SEMA3A: variants seen among roughly 807,000 people sequenced by gnomAD.
The protein encoded by SEMA3A is semaphorin-3A.
In SEMA3A, 29 loss-of-function variants were observed where a neutral mutation model predicts 97.9. That is an observed-to-expected ratio of 0.30 (90% CI 0.22 to 0.40). The LOEUF (loss-of-function observed/expected upper bound fraction) is 0.40, where lower values mean the gene tolerates loss of function less well. Among genes scored for constraint, SEMA3A ranks in the 10% least tolerant of loss-of-function variants. The pLI, the probability that SEMA3A is intolerant of heterozygous loss-of-function variation, is 1.00. For synonymous variants in SEMA3A, 321 were observed against 323.7 expected (o/e 0.99, Z 0.09); for missense variants, 763 against 951.3 (o/e 0.80, Z 2.60).
chr7:84,424,461 A>G (rs1179566080), intron 1 of SEMA3A, among the ~76,000 whole-genome samples: 2 of 119,490 alleles, frequency 1.7e-5, no homozygotes, highest in Non-Finnish European at 3.2e-5. Flanking sequence ...TAATAATACA[A>G]TTTAATATAC....
At chr7:84,407,659 G>GTAAT (rs1804135826) in intron 1 of SEMA3A, among the ~76,000 whole-genome samples, 1 of 152,008 alleles carries the variant, frequency 6.6e-6, no homozygotes, top group African/African-American at 2.4e-5. Context: ...CAAGGCTACA[G>GTAAT]TAACCAAAAC....
chr7:84,136,960 A>AGGAGGGAGGGAGGAAGGAAGGAAG (rs376783412), intron 1 of SEMA3A, among the ~76,000 whole-genome samples: 1 of 141,106 alleles, frequency 7.1e-6, no homozygotes, highest in Non-Finnish European at 1.5e-5. Flanking sequence ...GAGGGAGGGA[A>AGGAGGGAGGGAGGAAGGAAGGAAG]GAAGGAAGGA....
At chr7:84,389,748 A>C (rs184434560) in intron 1 of SEMA3A, among the ~76,000 whole-genome samples, 191 of 151,960 alleles carry the variant, frequency 1.3e-3, no homozygotes, top group African/African-American at 4.4e-3. Flanking sequence ...AATGTATTTC[A>C]CTTATATTCC....
chr7:84,403,905 A>G (rs1232166990), intron 1 of SEMA3A, among the ~76,000 whole-genome samples: 4 of 152,200 alleles, frequency 2.6e-5, no homozygotes, highest in Admixed American at 6.5e-5. Context: ...GGTCACCATC[A>G]TCAAAGACCA....
rs1554384465 is a variant in SEMA3A, at chr7:84,426,277, CAGATAGAT to C, written c.-245-54385_-245-54378del. ...AGAGAGATAGATATAGATATATAGA[CAGATAGAT>C]AGATAGATAGATAGATAGATAGATA... On this transcript the variant is annotated intron_variant, in intron 1 of 3. Transcript: ENST00000424555. 7.1e-3 allele frequency among the ~76,000 whole-genome samples: 939 copies of C among 133,106 alleles called. 12 individuals carry two copies. The highest frequency in any genetic ancestry group is 0.016 in the Middle Eastern group (4 of 248). 87.3% of individuals were successfully genotyped at this position (133,106 alleles called of 152,430 possible).
At chr7:84,357,929 G>A (rs949960220) in intron 2 of SEMA3A, among the ~76,000 whole-genome samples, 3 of 152,058 alleles carry the variant, frequency 2.0e-5, no homozygotes, top group African/African-American at 7.2e-5. Context: ...CTGCATAAAT[G>A]TCTTCTTTTG....
chr7:84,291,773 A>G (rs1800753679), intron 3 of SEMA3A, among the ~76,000 whole-genome samples: 1 of 152,146 alleles, frequency 6.6e-6, no homozygotes, highest in Non-Finnish European at 1.5e-5. Flanking sequence ...CCTCAGTTCA[A>G]AAGTGAAAAG....
intron 1 of SEMA3A, among the ~76,000 whole-genome samples, chr7:84,475,403 A>T (rs1238160367): frequency 3.9e-5 from 6 of 152,126 alleles, no homozygotes; most frequent in Non-Finnish European, 4.4e-5. Flanking sequence ...AAGGTTAAAA[A>T]ATTCATAGGA....
chr7:83,960,086 T>A lies in SEMA3A; in HGVS notation c.*1285A>T, dbSNP rs1038897464. 1 of 152,064 alleles carries A rather than the reference T, an allele frequency of 6.6e-6. No individual in the cohort carries two copies. Among genetic ancestry groups the A allele is most frequent in the Admixed American group, 6.6e-5 (1 of 15,256 alleles). The allele number at this position is 152,064 out of a possible 1,614,324, so 9.4% of individuals were successfully genotyped here. On this transcript the variant is annotated 3_prime_UTR_variant, in exon 17 of 17. Transcript: ENST00000265362. ...AAAGGTAAGAGGCACCTGATACAGA[T>A]GTAAATGATTGGAAACTTTGCCTTT...
At chr7:84,061,363 G>A (rs1237687449) in intron 4 of SEMA3A, among the ~76,000 whole-genome samples, 1 of 152,160 alleles carries the variant, frequency 6.6e-6, no homozygotes, top group African/African-American at 2.4e-5. Context: ...TTGATAAGGA[G>A]ATAACTAATT....
rs1792361756 is a variant in SEMA3A, at chr7:84,046,581, C to T, written c.548-138G>A. 6.8e-6 allele frequency: 6 copies of T among 888,432 alleles called. No homozygotes were observed. The East Asian group carries it at 1.0e-4, about 15-fold the overall frequency. The allele number at this position is 888,432 out of a possible 1,614,324, so 55.0% of individuals were successfully genotyped here. ...CTGAAATGCTCTCTGCATCATTATG[C>T]AGTTACTTATTTTTTATCCTTATTG... On this transcript the variant is annotated intron_variant, in intron 5 of 16. Transcript: ENST00000265362.
At chr7:84,342,385 ATTGT>A (rs1802192211) in intron 2 of SEMA3A, among the ~76,000 whole-genome samples, 1 of 152,008 alleles carries the variant, frequency 6.6e-6, no homozygotes, top group African/African-American at 2.4e-5. Flanking sequence ...TATTTTTGTG[ATTGT>A]TTATTTAACA....
chr7:84,034,272 C>T (rs1250482094), intron 6 of SEMA3A, among the ~76,000 whole-genome samples: 2 of 152,200 alleles, frequency 1.3e-5, no homozygotes, highest in Admixed American at 6.5e-5. Context: ...GCATGAGCCA[C>T]TGCGCCTGGC....
chr7:84,050,945 A>G (rs1792603133), intron 5 of SEMA3A, among the ~76,000 whole-genome samples: 1 of 151,612 alleles, frequency 6.6e-6, no homozygotes, highest in Non-Finnish European at 1.5e-5. Context: ...CAGTTTTCCC[A>G]GCACCATTTA....
intron 3 of SEMA3A, among the ~76,000 whole-genome samples, chr7:84,203,010 T>C (rs1377354666): frequency 6.6e-6 from 1 of 152,190 alleles, no homozygotes; most frequent in Non-Finnish European, 1.5e-5. Context: ...TAGAAGACTC[T>C]AGCTGATGAC....
chr7:84,488,478 A>AT (rs201712688), intron 1 of SEMA3A, among the ~76,000 whole-genome samples: 64 of 149,332 alleles, frequency 4.3e-4, no homozygotes, highest in South Asian at 1.1e-3. Flanking sequence ...TTGACAGCTC[A>AT]TTTTTTTTTT....
At chr7:84,433,125 G>GT (rs1442765466) in intron 1 of SEMA3A, among the ~76,000 whole-genome samples, 1 of 151,434 alleles carries the variant, frequency 6.6e-6, no homozygotes, top group Non-Finnish European at 1.5e-5. Context: ...TGTGCAGAAC[G>GT]TGCAGGTTTG....
intron 2 of SEMA3A, among the ~76,000 whole-genome samples, chr7:84,358,732 T>C (rs1802634997): frequency 6.6e-6 from 1 of 152,162 alleles, no homozygotes; most frequent in Non-Finnish European, 1.5e-5. Flanking sequence ...TTGGGCAGTA[T>C]GACCATTTTC....
At chr7:84,370,743 G>C (rs998672066) in intron 2 of SEMA3A, among the ~76,000 whole-genome samples, 8 of 151,470 alleles carry the variant, frequency 5.3e-5, no homozygotes, top group Non-Finnish European at 1.2e-4. Context: ...AAAATTCATA[G>C]GGATGAAGTT....
Sources: allele counts gnomAD v4.1 joint callset (sites outside exome capture counted in the v4.1 genomes callset), GRCh38; gene constraint gnomAD v4.1.1; transcripts MANE v1.5; gene names NCBI Gene and HGNC (gene_info 2026-07-23, HGNC 2026-07-21).